CPS1: variants seen among roughly 807,000 people sequenced by gnomAD.
CPS1 encodes carbamoyl-phosphate synthase 1, also known as carbamoyl-phosphate synthase [ammonia], mitochondrial.
Under a neutral mutation model 174.6 loss-of-function variants are expected in CPS1, and 109 were observed. The ratio of observed to expected loss-of-function variants is 0.62; its 90% CI spans 0.53 to 0.73. CPS1 has a LOEUF of 0.73. Among genes scored for constraint, CPS1 ranks in the 30% least tolerant of loss-of-function variants. The pLI is 0.00. For synonymous variants in CPS1, 637 were observed against 632.0 expected, an observed-to-expected ratio of 1.01 and a Z score of -0.12; for missense variants, 1,689 against 1,821.9, an observed-to-expected ratio of 0.93 and a Z score of 1.33.
intron 1 of CPS1, among the ~76,000 whole-genome samples, chr2:210,491,771 T>A (rs1694883498): frequency 6.6e-6 from 1 of 152,134 alleles, no homozygotes; most frequent in Non-Finnish European, 1.5e-5. Flanking sequence ...CAGATACCTG[T>A]CTCCTAAGAG....
chr2:210,520,846 C>T (rs1240822259), intron 1 of CPS1, among the ~76,000 whole-genome samples: 1 of 151,940 alleles, frequency 6.6e-6, no homozygotes, highest in African/African-American at 2.4e-5. Context: ...TACTCACTCA[C>T]CTGTATGAAT....
At chr2:210,505,895 C>T (rs1380634425) in intron 1 of CPS1, among the ~76,000 whole-genome samples, 4 of 152,164 alleles carry the variant, frequency 2.6e-5, no homozygotes, top group Non-Finnish European at 4.4e-5. Context: ...CAGGGAAGCT[C>T]GAACTGGGTG....
At chr2:210,657,681 G>A (rs372736057) in intron 30 of CPS1, 2 of 152,216 alleles carry the variant, frequency 1.3e-5, no homozygotes, top group South Asian at 2.1e-4. Flanking sequence ...CTCAGGCTCA[G>A]CTCTTTTTAG....
intron 6 of CPS1, among the ~76,000 whole-genome samples, chr2:210,586,977 A>C (rs1321395303): frequency 6.6e-6 from 1 of 152,052 alleles, no homozygotes; most frequent in African/African-American, 2.4e-5. Context: ...AAGGTTAAGA[A>C]AAGATCTATA....
At position 210,605,205 on chromosome 2, in the gene CPS1, T is replaced by C; in HGVS notation, c.1940T>C (p.Val647Ala). 6.2e-7 allele frequency: 1 copy of C among 1,612,284 alleles called. No homozygotes were observed. The highest frequency in any genetic ancestry group is 1.1e-5 in the South Asian group (1 of 91,050). The part of the protein sequence containing the change: ...VRDADDNCVT[V>A]CNMENVDAMG... Reference sequence around the variant, plus strand: ...GATGCTGATGACAATTGTGTCACTGTCTGTAACATGGAAAATGTTGATGCC... The same window carrying C: ...GATGCTGATGACAATTGTGTCACTGCCTGTAACATGGAAAATGTTGATGCC... The change falls in exon 17 of 38, where the codon GTC becomes GCC. Residue 647 changes from valine (V) to alanine (A), a missense_variant. Coordinates refer to ENST00000233072, the MANE Select transcript of CPS1 (RefSeq NM_001875.5).
At position 210,556,741 on chromosome 2, in the gene CPS1, G is replaced by T. The variant is rs750705469; in HGVS notation, c.8G>T (p.Arg3Met). The change falls in exon 1 of 38, where the codon AGG becomes ATG. Residue 3 changes from arginine to methionine, a missense_variant. Transcript: ENST00000233072. ...TAGCCACAAATCATCAAAATGACGA[G>T]GATTTTGACAGCTTTCAAAGTGGTG... MT[R>M]ILTAFKVVRT... 3.7e-6 allele frequency: 6 copies of T among 1,612,342 alleles called. No homozygotes were observed. In the Admixed American group the frequency reaches 8.4e-5, roughly 22 times the overall value.
At chr2:210,617,705 G>A (rs933698277) in intron 21 of CPS1, 1 of 152,006 alleles carries the variant, frequency 6.6e-6, no homozygotes, top group African/African-American at 2.4e-5. Context: ...ATAGTTGCTT[G>A]TAAATCATCC....
chr2:210,640,325 T>C (rs1157693029), intron 24 of CPS1, among the ~76,000 whole-genome samples: 1 of 152,208 alleles, frequency 6.6e-6, no homozygotes, highest in African/African-American at 2.4e-5. Flanking sequence ...TTTAACTGAA[T>C]TGAGCCTTTC....
At chr2:210,516,049 T>G (rs1033050301) in intron 1 of CPS1, among the ~76,000 whole-genome samples, 2 of 151,862 alleles carry the variant, frequency 1.3e-5, no homozygotes. Context: ...TCTGTTTCAT[T>G]CCACTGCGGT....
intron 16 of CPS1, 37 bp downstream of exon 16, chr2:210,602,367 A>T (rs1336548909): frequency 6.2e-7 from 1 of 1,611,732 alleles, no homozygotes; most frequent in South Asian, 1.1e-5. Flanking sequence ...TACCAACCAA[A>T]AAAACTGGCT....
At chr2:210,672,762 T>C (rs1279368694) in intron 34 of CPS1, 1 of 152,186 alleles carries the variant, frequency 6.6e-6, no homozygotes, top group Non-Finnish European at 1.5e-5. Context: ...AAATTCATGT[T>C]CTATAAGGCA....
intron 13 of CPS1, among the ~76,000 whole-genome samples, chr2:210,597,846 A>G (rs1167553812): frequency 6.6e-6 from 1 of 151,484 alleles, no homozygotes; most frequent in Non-Finnish European, 1.5e-5. Context: ...ACACACACAA[A>G]CATACACACA....
At chr2:210,609,682 C>A (rs977338915) in intron 19 of CPS1, among the ~76,000 whole-genome samples, 1 of 151,756 alleles carries the variant, frequency 6.6e-6, no homozygotes, top group African/African-American at 2.4e-5. Context: ...AGTGTGGGAG[C>A]TTTTAGTCTA....
chr2:210,521,111 C>T (rs750939202), intron 1 of CPS1, among the ~76,000 whole-genome samples: 4 of 152,018 alleles, frequency 2.6e-5, no homozygotes, highest in Non-Finnish European at 5.9e-5. Context: ...CAACATTTGC[C>T]AAGGCTAGTC....
At chr2:210,534,372 T>A (rs1317838249) in intron 1 of CPS1, among the ~76,000 whole-genome samples, 1 of 152,212 alleles carries the variant, frequency 6.6e-6, no homozygotes, top group African/African-American at 2.4e-5. Context: ...TTCTGCTTAA[T>A]GCAAACTTAC....
In CPS1 at chr2:210,573,247, G is replaced by A. The variant is rs765865675; in HGVS notation, c.127-51G>A. 17 of 1,436,124 alleles carry A rather than the reference G, an allele frequency of 1.2e-5. No individual in the cohort carries two copies. The African/African-American group carries it at 1.7e-4, about 14-fold the overall frequency. The allele number at this position is 1,436,124 out of a possible 1,614,324, so 89.0% of individuals were successfully genotyped here. ...TGTATTTTACCTTTGGAATATTTTT[G>A]TGTGTTTTGTATTATGTATTCTGCT... On this transcript the variant is annotated intron_variant, in intron 1 of 37. Coordinates refer to ENST00000233072, the MANE Select transcript of CPS1 (RefSeq NM_001875.5).
chr2:210,586,012 G>A (rs1298388003), intron 6 of CPS1, among the ~76,000 whole-genome samples: 1 of 151,736 alleles, frequency 6.6e-6, no homozygotes, highest in African/African-American at 2.4e-5. Flanking sequence ...ATAAGGAAGA[G>A]TTCCAGCGTG....
rs1306265767 is a variant in CPS1 at position 210,513,117 on chromosome 2, GAGATATATATATAT to G, written c.3+35352_3+35365del. Reference sequence around the variant, plus strand: ...ACATATATATGGGGATATATATATGGAGATATATATATATGGAGATATATATATGGGGAGATATA... The same window carrying G: ...ACATATATATGGGGATATATATATGGGGAGATATATATATGGGGAGATATA... On this transcript the variant is annotated intron_variant, in intron 1 of 38. Coordinates refer to the CPS1 transcript ENST00000430249. Among the ~76,000 whole-genome samples, 115 of 118,004 alleles carry G rather than the reference GAGATATATATATAT, an allele frequency of 9.7e-4. 5 individuals are homozygous for G. The highest frequency in any genetic ancestry group is 7.8e-3 in the East Asian group (31 of 3,988). The allele number at this position is 118,004 out of a possible 152,430, so 77.4% of individuals were successfully genotyped here.
intron 1 of CPS1, among the ~76,000 whole-genome samples, chr2:210,533,599 A>G (rs1358311658): frequency 2.0e-5 from 3 of 152,182 alleles, no homozygotes; most frequent in Non-Finnish European, 4.4e-5. Flanking sequence ...ATTTCCTAAG[A>G]CATATTTGTA....
Sources: gnomAD v4.1 joint callset for allele counts (sites outside exome capture counted in the v4.1 genomes callset) on GRCh38, gnomAD v4.1.1 for gene constraint, MANE v1.5 for transcripts, NCBI Gene and HGNC (gene_info 2026-07-23, HGNC 2026-07-21) for gene names.